The following ROBO2 variants were observed in gnomAD, a reference collection of about 807,000 sequenced individuals.
ROBO2 encodes roundabout guidance receptor 2.
ROBO2 carries 53 observed loss-of-function variants against 160.8 expected under a neutral mutation model. That is an observed-to-expected ratio of 0.33 (90% CI 0.26 to 0.41). The LOEUF is 0.41. Ranked by LOEUF, ROBO2 falls within the 10% of genes least tolerant of loss-of-function variation. The pLI is 1.00. For missense variants in ROBO2, 1,577 were observed against 1,722.4 expected, an observed-to-expected ratio of 0.92 and a Z score of 1.49; for synonymous variants, 664 against 611.7, an observed-to-expected ratio of 1.09 and a Z score of -1.26.
At chr3:77,494,533 G>A (rs575616637) in intron 5 of ROBO2, among the ~76,000 whole-genome samples, 2 of 152,194 alleles carry the variant, frequency 1.3e-5, no homozygotes, top group East Asian at 3.9e-4. Context: ...AGTCAAGATC[G>A]TGCCACTGTA....
At chr3:77,166,535 T>C (rs962738859) in intron 2 of ROBO2, among the ~76,000 whole-genome samples, 9 of 152,066 alleles carry the variant, frequency 5.9e-5, no homozygotes, top group African/African-American at 2.2e-4. Flanking sequence ...TTAAAAAATA[T>C]TTAATGACAC....
At chr3:77,066,108 A>G (rs1276637901) in intron 1 of ROBO2, among the ~76,000 whole-genome samples, 2 of 152,058 alleles carry the variant, frequency 1.3e-5, no homozygotes, top group East Asian at 1.9e-4. Flanking sequence ...ATCATAATCA[A>G]TTTGGTGATC....
chr3:77,230,874 A>G (rs1452945567), intron 2 of ROBO2, among the ~76,000 whole-genome samples: 1 of 152,188 alleles, frequency 6.6e-6, no homozygotes, highest in Non-Finnish European at 1.5e-5. Flanking sequence ...TATGAAAATA[A>G]TTAACTTAGC....
intron 2 of ROBO2, among the ~76,000 whole-genome samples, chr3:77,270,945 T>TAA (rs34427104): frequency 6.8e-6 from 1 of 146,090 alleles, no homozygotes; most frequent in African/African-American, 2.5e-5. Flanking sequence ...TCTGTCTTTT[T>TAA]AAAAAAAAAA....
At chr3:76,121,125 G>T (rs531357618) in intron 2 of ROBO2, among the ~76,000 whole-genome samples, 1 of 152,194 alleles carries the variant, frequency 6.6e-6, no homozygotes, top group East Asian at 1.9e-4. Flanking sequence ...TCTAAAAGAG[G>T]AAAATGGTGG....
chr3:77,413,321 T>A (rs995987590), intron 2 of ROBO2, among the ~76,000 whole-genome samples: 8 of 152,134 alleles, frequency 5.3e-5, no homozygotes, highest in African/African-American at 1.7e-4. Context: ...GTGCAAAGGC[T>A]TAAATTTACG....
chr3:76,442,716 G>C (rs2076983018), intron 2 of ROBO2, among the ~76,000 whole-genome samples: 2 of 152,142 alleles, frequency 1.3e-5, no homozygotes, highest in Admixed American at 1.3e-4. Flanking sequence ...TGCCCGGTTA[G>C]TGAATCACCC....
intron 2 of ROBO2, among the ~76,000 whole-genome samples, chr3:76,012,811 T>C (rs1446396469): frequency 1.5e-5 from 2 of 133,554 alleles, no homozygotes; most frequent in Non-Finnish European, 3.5e-5. Flanking sequence ...CGGTGGTGTA[T>C]GCATGTAATC....
intron 2 of ROBO2, among the ~76,000 whole-genome samples, chr3:76,049,673 C>G (rs1168271901): frequency 6.6e-6 from 1 of 151,964 alleles, no homozygotes; most frequent in Non-Finnish European, 1.5e-5. Flanking sequence ...TTAATTAATT[C>G]TTTCCACATA....
intron 2 of ROBO2, among the ~76,000 whole-genome samples, chr3:76,674,671 A>G (rs2092362025): frequency 6.6e-6 from 1 of 152,066 alleles, no homozygotes; most frequent in East Asian, 1.9e-4. Flanking sequence ...ACAAACAAAC[A>G]GTGCTTCTCA....
chr3:76,961,333 G>A (rs1169676777), intron 2 of ROBO2, among the ~76,000 whole-genome samples: 4 of 148,618 alleles, frequency 2.7e-5, no homozygotes, highest in Admixed American at 6.7e-5. Flanking sequence ...ATATATAATA[G>A]GTAAAATGTT....
chr3:77,235,117 T>C (rs1165822521), intron 2 of ROBO2, among the ~76,000 whole-genome samples: 1 of 152,176 alleles, frequency 6.6e-6, no homozygotes, highest in Non-Finnish European at 1.5e-5. Context: ...GGAAAAACAA[T>C]TACTTTTTAT....
At chr3:76,000,786 A>G (rs1156464503) in intron 2 of ROBO2, among the ~76,000 whole-genome samples, 1 of 152,120 alleles carries the variant, frequency 6.6e-6, no homozygotes, top group Non-Finnish European at 1.5e-5. Flanking sequence ...ATTTTACTCT[A>G]GTATATTTAA....
At chr3:76,041,420 A>G (rs1196555748) in intron 2 of ROBO2, among the ~76,000 whole-genome samples, 1 of 151,986 alleles carries the variant, frequency 6.6e-6, no homozygotes, top group Non-Finnish European at 1.5e-5. Flanking sequence ...CATTCCCTGG[A>G]GTTACTTGGA....
intron 2 of ROBO2, among the ~76,000 whole-genome samples, chr3:76,512,394 G>A (rs1263589116): frequency 6.6e-6 from 1 of 151,494 alleles, no homozygotes; most frequent in East Asian, 1.9e-4. Flanking sequence ...CTGAAAGCCT[G>A]CCATTGTCAG....
intron 2 of ROBO2, among the ~76,000 whole-genome samples, chr3:76,724,031 C>T (rs762533644): frequency 2.0e-5 from 3 of 152,204 alleles, no homozygotes; most frequent in Non-Finnish European, 4.4e-5. Context: ...TCTACACTGT[C>T]TAGTCACCCA....
intron 6 of ROBO2, among the ~76,000 whole-genome samples, chr3:77,531,093 G>A (rs939822334): frequency 9.9e-5 from 15 of 151,958 alleles, no homozygotes; most frequent in East Asian, 5.9e-4. Context: ...GTCCTGTTCC[G>A]TTTGGTGACT....
chr3:76,628,692 G>A (rs1319832345), intron 2 of ROBO2, among the ~76,000 whole-genome samples: 1 of 152,106 alleles, frequency 6.6e-6, no homozygotes, highest in Non-Finnish European at 1.5e-5. Flanking sequence ...CTGTGAAAAT[G>A]TAGTCAAAAG....
intron 2 of ROBO2, among the ~76,000 whole-genome samples, chr3:76,325,734 C>A (rs972732371): frequency 1.3e-5 from 2 of 151,134 alleles, no homozygotes; most frequent in African/African-American, 2.4e-5. Flanking sequence ...AAAACAACAA[C>A]CCTGTTTTGA....
Sources: allele counts gnomAD v4.1 joint callset (sites outside exome capture counted in the v4.1 genomes callset), GRCh38; gene constraint gnomAD v4.1.1; transcripts MANE v1.5; gene names NCBI Gene and HGNC (gene_info 2026-07-23, HGNC 2026-07-21).